STK40: variants seen among roughly 807,000 people sequenced by gnomAD.
STK40 encodes serine/threonine-protein kinase 40.
A neutral mutation model predicts 47.9 loss-of-function variants in STK40; 13 were observed. That is an observed-to-expected ratio of 0.27 (90% CI 0.18 to 0.43). The LOEUF is 0.43. Among genes scored for constraint, STK40 ranks in the 20% least tolerant of loss-of-function variants. The probability of loss-of-function intolerance (pLI) is 1.00; values close to 1 mark genes in which losing one functional copy is unlikely to be tolerated. For synonymous variants in STK40, 225 were observed against 243.2 expected, an observed-to-expected ratio of 0.93 and a Z score of 0.69; for missense variants, 460 against 595.1, an observed-to-expected ratio of 0.77 and a Z score of 2.36.
intron 2 of STK40, among the ~76,000 whole-genome samples, chr1:36,360,970 ATCTAAGGCTGG>A (rs1646847023): frequency 6.6e-6 from 1 of 152,168 alleles, no homozygotes; most frequent in South Asian, 2.1e-4. Flanking sequence ...GCTAAGGCTG[ATCTAAGGCTGG>A]TATGGCTAAA....
At chr1:36,363,112 G>A (rs959870856) in intron 1 of STK40, among the ~76,000 whole-genome samples, 5 of 152,006 alleles carry the variant, frequency 3.3e-5, no homozygotes, top group East Asian at 1.9e-4. Flanking sequence ...CTGAGATCAC[G>A]CCACTGCACT....
chr1:36,363,377 C>G (rs553980626), intron 1 of STK40, among the ~76,000 whole-genome samples: 2 of 152,168 alleles, frequency 1.3e-5, no homozygotes, highest in African/African-American at 4.8e-5. Flanking sequence ...AAAAACAAAA[C>G]AAAAACCCAT....
rs561108505 is a variant in STK40, at chr1:36,369,064, C to T, written c.-8-7724G>A. Among the ~76,000 whole-genome samples the T allele has an allele frequency of 1.1e-4, 17 of 152,312 alleles. No homozygotes were observed. The South Asian group carries it at 3.3e-3, about 30-fold the overall frequency. Reference sequence around the variant, plus strand: ...ACACAGCCCACAGTGGCAGAACTTGCAGTCTCATATATGTTGGGCAGAGCC... The same window carrying T: ...ACACAGCCCACAGTGGCAGAACTTGTAGTCTCATATATGTTGGGCAGAGCC... On this transcript the variant is annotated intron_variant, in intron 1 of 10. Coordinates refer to ENST00000373132, the MANE Select transcript of STK40 (RefSeq NM_001282547.2).
Position 36,344,233 on chromosome 1 carries a change from CAT to C in STK40, c.769_770del (p.Met257ValfsTer38), listed in dbSNP as rs771931846. ...GRPYRGKPSD[M>X]WALGVVLFTM... Reference sequence around the variant, plus strand: ...TGAAGAGCACCACGCCCAGGGCCCACATGTCACTGGGCTTGCCACGGTACGGC... The same window carrying C: ...TGAAGAGCACCACGCCCAGGGCCCACGTCACTGGGCTTGCCACGGTACGGC... On this transcript the variant is annotated frameshift_variant, in exon 8 of 11. Transcript: ENST00000373132. LOFTEE classifies it high-confidence loss of function. 7 of 1,611,918 alleles carry C rather than the reference CAT, an allele frequency of 4.3e-6. No individual in the cohort carries two copies. The highest frequency in any genetic ancestry group is 1.7e-5 in the Admixed American group (1 of 59,870).
chr1:36,385,468 A>C (rs1383692796), intron 1 of STK40, among the ~76,000 whole-genome samples: 1 of 152,218 alleles, frequency 6.6e-6, no homozygotes, highest in Non-Finnish European at 1.5e-5. Context: ...CAAAGCTGGC[A>C]GTGCCCACTT....
intron 1 of STK40, among the ~76,000 whole-genome samples, chr1:36,374,137 C>T (rs1378575843): frequency 5.9e-5 from 9 of 152,278 alleles, no homozygotes; most frequent in Admixed American, 5.9e-4. Flanking sequence ...AGCTTGGTGA[C>T]CTAGCTCTAG....
At chr1:36,373,918 TCCCAG>T (rs1257391088) in intron 1 of STK40, among the ~76,000 whole-genome samples, 1 of 152,204 alleles carries the variant, frequency 6.6e-6, no homozygotes, top group Non-Finnish European at 1.5e-5. Flanking sequence ...CCTGCTCTGC[TCCCAG>T]CCTGTGGGAG....
intron 1 of STK40, among the ~76,000 whole-genome samples, chr1:36,382,010 G>A (rs1380148763): frequency 6.6e-6 from 1 of 152,116 alleles, no homozygotes; most frequent in Admixed American, 6.6e-5. Context: ...GGACCCAGCA[G>A]AGCCCCAGCC....
chr1:36,380,228 CTT>C (rs1428842234), intron 1 of STK40, among the ~76,000 whole-genome samples: 3 of 152,300 alleles, frequency 2.0e-5, no homozygotes, highest in South Asian at 2.1e-4. Flanking sequence ...AAGAAGTGCT[CTT>C]GTTTCAGATC....
chr1:36,344,117 C>T lies in STK40; in HGVS notation c.884+3G>A, dbSNP rs182822936. On this transcript the variant is annotated splice_donor_region_variant and intron_variant, in intron 8 of 10. Transcript: ENST00000373132. The stretch of plus-strand genomic sequence containing the variant: ...CCCCCACCCCCCGGGAGGCAGGACT[C>T]ACTCAGGAATGGTATACTCGGCAGC... The T allele has an allele frequency of 1.7e-4, 275 of 1,595,464 alleles. No homozygotes were observed. Among genetic ancestry groups the T allele is most frequent in the Non-Finnish European group, 2.2e-4 (256 of 1,172,346 alleles).
intron 1 of STK40, among the ~76,000 whole-genome samples, chr1:36,381,178 G>T (rs1247728654): frequency 6.6e-6 from 1 of 152,054 alleles, no homozygotes; most frequent in African/African-American, 2.4e-5. Flanking sequence ...CTCCTATGGG[G>T]ACTCCAACCT....
intron 6 of STK40, 68 bp downstream of exon 6, chr1:36,354,296 G>T (rs1646783393): frequency 6.5e-7 from 1 of 1,550,018 alleles, no homozygotes; most frequent in Non-Finnish European, 8.9e-7. Flanking sequence ...CAGGGCACTG[G>T]AGAGTTGCAA....
intron 1 of STK40, among the ~76,000 whole-genome samples, chr1:36,365,215 C>A (rs1646891340): frequency 6.6e-6 from 1 of 152,178 alleles, no homozygotes; most frequent in South Asian, 2.1e-4. Context: ...GTCTCGAACT[C>A]CCGACCTCAG....
chr1:36,352,165 C>T (rs940555990), intron 6 of STK40, among the ~76,000 whole-genome samples: 3 of 152,194 alleles, frequency 2.0e-5, no homozygotes, highest in Admixed American at 2.0e-4. Flanking sequence ...TGGGGGACCG[C>T]TGGGCCCTCA....
chr1:36,377,861 G>T (rs1647005133), intron 1 of STK40, among the ~76,000 whole-genome samples: 1 of 152,216 alleles, frequency 6.6e-6, no homozygotes, highest in South Asian at 2.1e-4. Context: ...CCTGGGCCTT[G>T]CTGGAGCTGG....
intron 1 of STK40, among the ~76,000 whole-genome samples, chr1:36,378,615 C>T (rs751053735): frequency 3.3e-5 from 5 of 152,194 alleles, no homozygotes; most frequent in Non-Finnish European, 5.9e-5. Flanking sequence ...TGCGCCACCA[C>T]GCCTGGCTAA....
At chr1:36,377,274 G>A (rs964102633) in intron 1 of STK40, among the ~76,000 whole-genome samples, 2 of 151,864 alleles carry the variant, frequency 1.3e-5, no homozygotes, top group South Asian at 2.1e-4. Context: ...GGTGGCTCAC[G>A]CCTGTAATCC....
chr1:36,345,998 T>C (rs1250531683), intron 7 of STK40, among the ~76,000 whole-genome samples: 1 of 99,352 alleles, frequency 1.0e-5, no homozygotes, highest in Admixed American at 9.5e-5. Context: ...TATATTTTTT[T>C]TTTTTTTTTT....
At chr1:36,362,761 CTG>C (rs1250937476) in intron 1 of STK40, 1 of 152,202 alleles carries the variant, frequency 6.6e-6, no homozygotes, top group East Asian at 1.9e-4. Context: ...CATGTTTTTC[CTG>C]TGTGTGACTG....
Sources: gnomAD v4.1 joint callset for allele counts (sites outside exome capture counted in the v4.1 genomes callset) on GRCh38, gnomAD v4.1.1 for gene constraint, MANE v1.5 for transcripts, NCBI Gene and HGNC (gene_info 2026-07-23, HGNC 2026-07-21) for gene names.